Variants in CWC27 observed in about 807,000 individuals in gnomAD.
CWC27 encodes spliceosome-associated protein CWC27 homolog.
A neutral mutation model predicts 63.6 loss-of-function variants in CWC27; 47 were observed. The ratio of observed to expected loss-of-function variants is 0.74; its 90% confidence interval spans 0.58 to 0.94. CWC27 has a LOEUF of 0.94. CWC27 is among the 40% of genes least tolerant of loss of function. The pLI is 0.00. For missense variants in CWC27, 495 were observed against 554.3 expected (o/e 0.89, Z 1.07); for synonymous variants, 175 against 179.8 (o/e 0.97, Z 0.22).
At chr5:64,957,160 T>C (rs528251266) in intron 11 of CWC27, among the ~76,000 whole-genome samples, 2 of 152,304 alleles carry the variant, frequency 1.3e-5, no homozygotes, top group East Asian at 3.9e-4. Flanking sequence ...AATAGAACCC[T>C]CCTTTAAGTA....
chr5:64,886,171 G>T (rs1402875432), intron 11 of CWC27, among the ~76,000 whole-genome samples: 4 of 151,554 alleles, frequency 2.6e-5, no homozygotes, highest in African/African-American at 9.7e-5. Context: ...TAGCTTCTTT[G>T]TTTCACTACG....
intron 13 of CWC27, among the ~76,000 whole-genome samples, chr5:65,017,853 C>T (rs913545458): frequency 6.6e-6 from 1 of 152,220 alleles, no homozygotes; most frequent in African/African-American, 2.4e-5. Context: ...TCTGAGTTTA[C>T]TTTGAGGAAC....
At chr5:64,989,969 A>G (rs918795308) in intron 13 of CWC27, among the ~76,000 whole-genome samples, 4 of 150,254 alleles carry the variant, frequency 2.7e-5, no homozygotes, top group African/African-American at 9.7e-5. Context: ...TAATCTGAGA[A>G]AAAAAAAAAG....
In CWC27 at chr5:64,966,612, AGT is replaced by A. The variant is rs543735567; in HGVS notation, c.1043-5090_1043-5089del. ...AAATTGTGGAACCAGGATTCAGATC[AGT>A]CTCACCCAAAGTCTATGCTCTAAAG... On this transcript the variant is annotated intron_variant, in intron 11 of 13. Coordinates refer to ENST00000381070, the MANE Select transcript of CWC27 (RefSeq NM_005869.4). Among the ~76,000 whole-genome samples the A allele has an allele frequency of 3.2e-4, 49 of 152,246 alleles. 1 individual carries two copies. In the South Asian group the frequency reaches 1.0e-2, roughly 31 times the overall value.
At chr5:65,000,357 T>C (rs1338478235) in intron 13 of CWC27, among the ~76,000 whole-genome samples, 5 of 152,060 alleles carry the variant, frequency 3.3e-5, no homozygotes, top group Admixed American at 6.6e-5. Context: ...CATTTGTCTG[T>C]TTTTGTTTCA....
chr5:65,010,626 G>T (rs1330442416), intron 13 of CWC27, among the ~76,000 whole-genome samples: 1 of 152,160 alleles, frequency 6.6e-6, no homozygotes. Context: ...GAATGGCAAG[G>T]TCTTTTAACC....
At chr5:64,788,362 A>G (rs1174862018) in intron 6 of CWC27, among the ~76,000 whole-genome samples, 1 of 150,366 alleles carries the variant, frequency 6.7e-6, no homozygotes, top group Non-Finnish European at 1.5e-5. Context: ...TAATTTTTCT[A>G]TTTGAGAGAC....
chr5:64,839,860 G>T (rs918357270), intron 10 of CWC27, among the ~76,000 whole-genome samples: 5 of 152,078 alleles, frequency 3.3e-5, no homozygotes, highest in African/African-American at 1.2e-4. Context: ...GAAAAAAGAA[G>T]TGGCAACTTG....
At chr5:64,776,541 A>G (rs1330911965) in intron 2 of CWC27, among the ~76,000 whole-genome samples, 1 of 152,154 alleles carries the variant, frequency 6.6e-6, no homozygotes, top group Non-Finnish European at 1.5e-5. Flanking sequence ...TTTAAAAATA[A>G]CCACAACAAT....
chr5:64,896,606 T>C (rs1251845599), intron 11 of CWC27, among the ~76,000 whole-genome samples: 1 of 151,714 alleles, frequency 6.6e-6, no homozygotes, highest in Non-Finnish European at 1.5e-5. Context: ...TTTAAAATTT[T>C]TAGGGAAACT....
rs765558259 is a variant in CWC27 at position 64,807,617 on chromosome 5, G to A, written c.938+3231G>A. ...TTTCCAGCCCACCTTCTCTATGCCT[G>A]TATCTTGACTACTGGATACAGCTCA... On this transcript the variant is annotated intron_variant, in intron 10 of 13. Transcript: ENST00000381070. The A allele has an allele frequency of 1.7e-4, 257 of 1,534,816 alleles. 1 individual carries two copies. Among genetic ancestry groups the A allele is most frequent in the South Asian group, 3.9e-4 (33 of 83,828 alleles).
chr5:64,967,306 C>T (rs762798954), intron 11 of CWC27, among the ~76,000 whole-genome samples: 2 of 151,954 alleles, frequency 1.3e-5, no homozygotes, highest in African/African-American at 2.4e-5. Context: ...CAGGTTAAGT[C>T]AGTAAAACTT....
intron 13 of CWC27, among the ~76,000 whole-genome samples, chr5:64,990,271 T>TTTTTTTTTTTTTTTTG (rs1749514891): frequency 1.3e-5 from 1 of 79,810 alleles, no homozygotes. Flanking sequence ...TTTTTGTTTT[T>TTTTTTTTTTTTTTTTG]TTTTTTTTTT....
At chr5:64,880,113 A>G (rs1482477165) in intron 10 of CWC27, among the ~76,000 whole-genome samples, 1 of 151,904 alleles carries the variant, frequency 6.6e-6, no homozygotes, top group Non-Finnish European at 1.5e-5. Flanking sequence ...CTGTGAGGCC[A>G]TCTCTTATTT....
intron 10 of CWC27, among the ~76,000 whole-genome samples, chr5:64,838,596 GA>G (rs1745722453): frequency 6.6e-6 from 1 of 152,126 alleles, no homozygotes; most frequent in African/African-American, 2.4e-5. Flanking sequence ...CCTGGTTGTT[GA>G]AGTGAACTCA....
chr5:64,774,709 G>A lies in CWC27; in HGVS notation c.61G>A (p.Ala21Thr). 1 of 1,589,346 alleles carries A rather than the reference G, an allele frequency of 6.3e-7. No homozygotes were observed. The highest frequency in any genetic ancestry group is 8.6e-7 in the Non-Finnish European group (1 of 1,169,232). Reference sequence around the variant, plus strand: ...TCTACAGGTTTTATTGAAAACTACAGCTGGAGATATTGACATAGAGTTGTG... The same window carrying A: ...TCTACAGGTTTTATTGAAAACTACAACTGGAGATATTGACATAGAGTTGTG... The part of the protein sequence containing the change: ...TNGKVLLKTT[A>T]GDIDIELWSK... Residue 21 changes from alanine (A) to threonine (T), a missense_variant, in exon 2 of 14, where the codon GCT becomes ACT. Around this residue, in one of 3 missense-constraint regions of CWC27, gnomAD observed 463 missense variants for 498.1 expected, o/e 0.93. Transcript: ENST00000381070.
intron 11 of CWC27, among the ~76,000 whole-genome samples, chr5:64,943,701 A>T (rs1580741309): frequency 6.6e-6 from 1 of 152,262 alleles, no homozygotes; most frequent in Non-Finnish European, 1.5e-5. Flanking sequence ...CACATCGTAG[A>T]TTTCTTCTCA....
intron 11 of CWC27, among the ~76,000 whole-genome samples, chr5:64,939,835 A>T (rs955726254): frequency 6.6e-6 from 1 of 152,102 alleles, no homozygotes; most frequent in Non-Finnish European, 1.5e-5. Flanking sequence ...GAATCTGGAG[A>T]GGCAGTCTGG....
intron 11 of CWC27, among the ~76,000 whole-genome samples, chr5:64,888,280 AATATATAATATAGTTAATATAATT>A (rs1281886672): frequency 3.4e-5 from 5 of 147,884 alleles, no homozygotes; most frequent in South Asian, 4.2e-4. Flanking sequence ...TAATTAACTA[AATATATAATATAGTTAATATAATT>A]ATATATAATA....
Sources: allele counts gnomAD v4.1 joint callset (sites outside exome capture counted in the v4.1 genomes callset), GRCh38; gene constraint gnomAD v4.1.1; regional missense constraint gnomAD v4.1.1; transcripts MANE v1.5; gene names NCBI Gene and HGNC (gene_info 2026-07-23, HGNC 2026-07-21).